Variants in MDFIC observed in about 807,000 individuals in gnomAD.
MDFIC encodes the protein myoD family inhibitor domain-containing protein.
Under a neutral mutation model 23.2 loss-of-function variants are expected in MDFIC, and 17 were observed. The observed-to-expected ratio is 0.73, with a 90% confidence interval of 0.50 to 1.10. MDFIC has a LOEUF of 1.10. Ranked by LOEUF, MDFIC falls within the 50% of genes least tolerant of loss-of-function variation. The pLI is 0.00. For missense variants in MDFIC, 356 were observed against 316.6 expected, an observed-to-expected ratio of 1.12 and a Z score of -0.95; for synonymous variants, 120 against 115.2, an observed-to-expected ratio of 1.04 and a Z score of -0.27.
chr7:114,997,181 C>A (rs1344861616), intron 4 of MDFIC, among the ~76,000 whole-genome samples: 1 of 152,110 alleles, frequency 6.6e-6, no homozygotes, highest in East Asian at 1.9e-4. Flanking sequence ...AATTGCAAAT[C>A]TGGATTACTC....
intron 3 of MDFIC, among the ~76,000 whole-genome samples, chr7:114,967,849 AT>A (rs1431074885): frequency 2.3e-5 from 2 of 88,134 alleles, no homozygotes; most frequent in African/African-American, 8.9e-5. Context: ...TTTTTTTTTA[AT>A]TTTGATGGAG....
At chr7:114,932,983 A>G (rs1792345514) in intron 2 of MDFIC, among the ~76,000 whole-genome samples, 1 of 152,134 alleles carries the variant, frequency 6.6e-6, no homozygotes, top group Admixed American at 6.5e-5. Context: ...TCAAAGCATA[A>G]CTCTGAAATG....
chr7:114,962,959 G>A (rs1193018659), intron 3 of MDFIC, among the ~76,000 whole-genome samples: 1 of 152,172 alleles, frequency 6.6e-6, no homozygotes, highest in Non-Finnish European at 1.5e-5. Context: ...ATGAATGTAT[G>A]TGTTTCTTTC....
At chr7:114,935,787 A>G (rs1792413144) in intron 2 of MDFIC, among the ~76,000 whole-genome samples, 2 of 151,798 alleles carry the variant, frequency 1.3e-5, no homozygotes, top group South Asian at 4.2e-4. Context: ...GTCTATAAGG[A>G]AAAAAAATAA....
chr7:114,923,751 C>A, intron 2 of MDFIC: 3 of 1,001,566 alleles, frequency 3.0e-6, no homozygotes, highest in Non-Finnish European at 2.7e-6. Context: ...ACTTCCATAA[C>A]AAGCTTCTAA....
chr7:114,942,227 GA>G, intron 2 of MDFIC, 47 bp from the exon 3 acceptor site: 1 of 1,208,538 alleles, frequency 8.3e-7, no homozygotes, highest in South Asian at 1.8e-5. Context: ...AAAAAGGAGA[GA>G]AAAATATATA....
At chr7:114,935,344 T>C (rs936869449) in intron 2 of MDFIC, among the ~76,000 whole-genome samples, 3 of 152,084 alleles carry the variant, frequency 2.0e-5, no homozygotes, top group African/African-American at 4.8e-5. Context: ...AGAGCTAACA[T>C]GCAAAAGTCT....
intron 3 of MDFIC, among the ~76,000 whole-genome samples, chr7:114,956,056 T>C (rs1792876993): frequency 6.6e-6 from 1 of 152,068 alleles, no homozygotes; most frequent in Non-Finnish European, 1.5e-5. Context: ...GAGATAAGGG[T>C]AGGGAAGGGA....
At chr7:115,000,516 C>A (rs1791442030) in intron 4 of MDFIC, among the ~76,000 whole-genome samples, 1 of 152,136 alleles carries the variant, frequency 6.6e-6, no homozygotes, top group African/African-American at 2.4e-5. Context: ...GAATCCAAGG[C>A]ATTCTTTATA....
chr7:115,008,203 G>A (rs1334370352), intron 4 of MDFIC, among the ~76,000 whole-genome samples: 10 of 151,646 alleles, frequency 6.6e-5, no homozygotes, highest in East Asian at 1.9e-4. Context: ...AAATATGAAA[G>A]CAACTCCCAT....
At chr7:114,935,206 A>C (rs1392701314) in intron 2 of MDFIC, among the ~76,000 whole-genome samples, 1 of 152,150 alleles carries the variant, frequency 6.6e-6, no homozygotes, top group Non-Finnish European at 1.5e-5. Context: ...GAAATTGTTT[A>C]AAGCAAGTTT....
At chr7:114,940,375 A>C (rs1405048828) in intron 2 of MDFIC, among the ~76,000 whole-genome samples, 2 of 152,248 alleles carry the variant, frequency 1.3e-5, no homozygotes, top group African/African-American at 4.8e-5. Context: ...TTGCATGTGC[A>C]GAAATTTTTT....
At chr7:114,979,465 T>C in intron 3 of MDFIC, 41 bp from the exon 4 acceptor site, 2 of 1,551,646 alleles carry the variant, frequency 1.3e-6, no homozygotes, top group Admixed American at 2.1e-5. Context: ...TATTAATTTC[T>C]TTTTCTTTAA....
chr7:114,970,537 C>T (rs956149251), intron 3 of MDFIC, among the ~76,000 whole-genome samples: 2 of 152,038 alleles, frequency 1.3e-5, no homozygotes, highest in African/African-American at 4.8e-5. Flanking sequence ...CCTTTTGTAT[C>T]AATTTAATAG....
chr7:114,972,961 T>G (rs1793237157), intron 3 of MDFIC, among the ~76,000 whole-genome samples: 1 of 152,140 alleles, frequency 6.6e-6, no homozygotes. Flanking sequence ...TTCTTTCTAC[T>G]ACTATTAAGA....
chr7:115,006,122 CT>C (rs1256498459), intron 4 of MDFIC, among the ~76,000 whole-genome samples: 1 of 152,152 alleles, frequency 6.6e-6, no homozygotes, highest in East Asian at 1.9e-4. Context: ...TCTGCACCTC[CT>C]GCTAGGGATG....
intron 2 of MDFIC, among the ~76,000 whole-genome samples, chr7:114,934,435 T>G (rs1563135991): frequency 6.6e-6 from 1 of 152,196 alleles, no homozygotes; most frequent in Non-Finnish European, 1.5e-5. Context: ...TACCTATTCC[T>G]TCGCATATTT....
chr7:115,005,580 C>G (rs1585122216), intron 4 of MDFIC, among the ~76,000 whole-genome samples: 1 of 152,062 alleles, frequency 6.6e-6, no homozygotes, highest in African/African-American at 2.4e-5. Context: ...TTAATTTTAC[C>G]TTATTTTCCC....
intron 3 of MDFIC, 74 bp downstream of exon 3, chr7:114,942,471 C>T: frequency 8.7e-7 from 1 of 1,155,562 alleles, no homozygotes; most frequent in Non-Finnish European, 1.2e-6. Context: ...TTAATTGCCC[C>T]AGATAATTCT....
Sources: gnomAD v4.1 joint callset for allele counts (sites outside exome capture counted in the v4.1 genomes callset) on GRCh38, gnomAD v4.1.1 for gene constraint, MANE v1.5 for transcripts, NCBI Gene and HGNC (gene_info 2026-07-23, HGNC 2026-07-21) for gene names.